Variants in PRKCZ observed in about 807,000 individuals in gnomAD.
The protein encoded by PRKCZ is protein kinase C zeta, also known as protein kinase C zeta type.
A neutral mutation model predicts 79.5 loss-of-function variants in PRKCZ; 33 were observed. That is an observed-to-expected ratio of 0.41 (90% CI 0.31 to 0.55). The LOEUF (loss-of-function observed/expected upper bound fraction) is 0.55. PRKCZ is among the 20% of genes least tolerant of loss of function. The pLI, the probability that PRKCZ is intolerant of heterozygous loss-of-function variation, is 0.19. For missense variants in PRKCZ, 578 were observed against 813.5 expected (o/e 0.71, Z 3.52); for synonymous variants, 342 against 320.9 (o/e 1.07, Z -0.70).
intron 4 of PRKCZ, among the ~76,000 whole-genome samples, chr1:2,068,901 G>A (rs763635860): frequency 1.2e-4 from 18 of 152,170 alleles, no homozygotes; most frequent in Non-Finnish European, 2.2e-4. Context: ...AGGCCCAGCC[G>A]GTGCTCAGCG....
At chr1:2,184,425 T>C (rs146627712) in intron 16 of PRKCZ, 158 bp from the exon 17 acceptor site, 13 of 595,706 alleles carry the variant, frequency 2.2e-5, no homozygotes, top group Non-Finnish European at 3.8e-5. Context: ...TTCTAGATTT[T>C]GTGTTGTAAG....
intron 4 of PRKCZ, among the ~76,000 whole-genome samples, chr1:2,079,057 T>G (rs912544392): frequency 6.6e-6 from 1 of 152,200 alleles, no homozygotes; most frequent in Non-Finnish European, 1.5e-5. Context: ...TTAGCCAGGA[T>G]GGTCTCGATC....
intron 4 of PRKCZ, among the ~76,000 whole-genome samples, chr1:2,111,103 C>T (rs539513361): frequency 1.3e-5 from 2 of 152,004 alleles, no homozygotes; most frequent in South Asian, 2.1e-4. Flanking sequence ...CTGCTGCACC[C>T]ATGGGTATTG....
At chr1:2,074,340 G>A (rs1661994010) in intron 4 of PRKCZ, 7 of 1,544,176 alleles carry the variant, frequency 4.5e-6, no homozygotes, top group Non-Finnish European at 6.1e-6. Context: ...CGGGGGGCTT[G>A]GGGAAATCGT....
intron 4 of PRKCZ, chr1:2,104,751 C>T (rs966831437): frequency 5.1e-6 from 5 of 985,592 alleles, no homozygotes; most frequent in South Asian, 4.7e-5. Flanking sequence ...CAGGACGCAG[C>T]GGGCTGGCCT....
chr1:2,168,641 G>A lies in PRKCZ; in HGVS notation c.975-877G>A, dbSNP rs767581768. 2.0e-5 allele frequency among the ~76,000 whole-genome samples: 3 copies of A among 152,132 alleles called. No individual in the cohort carries two copies. Among genetic ancestry groups the A allele is most frequent in the Admixed American group, 6.5e-5 (1 of 15,268 alleles). On this transcript the variant is annotated intron_variant, in intron 10 of 17. Transcript: ENST00000378567. The surrounding 1 kb of genome is among the most constrained non-coding windows in gnomAD (Gnocchi z 4.7). ...GGAGCAGGGACAGGTGCCTTGAGGC[G>A]TAACAGTGGCGGTGGTGTGGGAGCT...
At chr1:2,078,228 T>G (rs1217280745) in intron 4 of PRKCZ, among the ~76,000 whole-genome samples, 1 of 152,262 alleles carries the variant, frequency 6.6e-6, no homozygotes, top group Non-Finnish European at 1.5e-5. Context: ...CTTGGCTTAA[T>G]GTCCGGTTAA....
rs1276671877 is a variant in PRKCZ at position 2,125,759 on chromosome 1, G to C, written c.335-9503G>C. On this transcript the variant is annotated intron_variant, in intron 4 of 17. Transcript: ENST00000378567. The surrounding 1 kb of genome is among the most constrained non-coding windows in gnomAD (Gnocchi z 4.2). ...CAGGTTTCCCAATCAGATTTGCTCA[G>C]GGTCCCTCCAGCAGTCCATGCCGCA... is the stretch of plus-strand genomic sequence containing the variant. 2.6e-5 allele frequency among the ~76,000 whole-genome samples: 4 copies of C among 152,254 alleles called. No individual in the cohort carries two copies. Among genetic ancestry groups the C allele is most frequent in the African/African-American group, 9.6e-5 (4 of 41,468 alleles).
At chr1:2,115,218 G>A (rs910685956) in intron 4 of PRKCZ, among the ~76,000 whole-genome samples, 1 of 152,274 alleles carries the variant, frequency 6.6e-6, no homozygotes, top group Non-Finnish European at 1.5e-5. Context: ...CGGTTCTGCC[G>A]TGTCCGTCCC....
chr1:2,059,453 C>T, intron 3 of PRKCZ, 88 bp from the exon 4 acceptor site: 1 of 1,518,600 alleles, frequency 6.6e-7, no homozygotes, highest in South Asian at 1.1e-5. Flanking sequence ...TCCACGTGCT[C>T]AGCCTGACTG....
At position 2,182,461 on chromosome 1, in the gene PRKCZ, T is replaced by C. The variant is rs114491514; in HGVS notation, c.1576-2122T>C. 7.4e-3 allele frequency: 1,141 copies of C among 155,120 alleles called. 17 individuals carry two copies. The highest frequency in any genetic ancestry group is 0.024 in the African/African-American group (1,015 of 41,650). The allele number at this position is 155,120 out of a possible 1,614,324, so 9.6% of individuals were successfully genotyped here. On this transcript the variant is annotated intron_variant, in intron 16 of 17. Coordinates refer to ENST00000378567, the MANE Select transcript of PRKCZ (RefSeq NM_002744.6). ...CTGTTTGGGTATGCTGCCCCCCAGC[T>C]GGCGGGGCACCGGGGACAGGCACAG...
At chr1:2,169,073 C>A in intron 10 of PRKCZ, 1 of 450,314 alleles carries the variant, frequency 2.2e-6, no homozygotes. Flanking sequence ...CTCAGCCTTG[C>A]AGCAATGAAA....
At chr1:2,133,832 T>TG (rs1675571843) in intron 4 of PRKCZ, 1 of 152,390 alleles carries the variant, frequency 6.6e-6, no homozygotes, top group African/African-American at 2.4e-5. Context: ...TACGGACTCC[T>TG]GGAGCCAGGA....
At chr1:2,153,719 G>A (rs761445506) in intron 9 of PRKCZ, among the ~76,000 whole-genome samples, 5 of 152,226 alleles carry the variant, frequency 3.3e-5, no homozygotes, top group Non-Finnish European at 7.3e-5. Context: ...GCAGGTTTGC[G>A]GGACCCTGAG....
At chr1:2,170,205 C>T (rs1050381533) in intron 11 of PRKCZ, among the ~76,000 whole-genome samples, 4 of 152,156 alleles carry the variant, frequency 2.6e-5, no homozygotes, top group Non-Finnish European at 5.9e-5. Context: ...CCTTCCTGCC[C>T]TTCCCTTTCA....
rs148473310 is a variant in PRKCZ, at chr1:2,154,694, T to C, written c.877-1301T>C. ...GCCTATTTTGACGCATTTCTTTCACTGTCATTTTTCTAACCCCGAAGACAA... is the reference window on the plus strand; with the variant it reads ...GCCTATTTTGACGCATTTCTTTCACCGTCATTTTTCTAACCCCGAAGACAA... On this transcript the variant is annotated intron_variant, in intron 9 of 17. Coordinates refer to ENST00000378567, the MANE Select transcript of PRKCZ (RefSeq NM_002744.6). 3.0e-3 allele frequency among the ~76,000 whole-genome samples: 458 copies of C among 152,348 alleles called. 1 individual carries two copies. Among genetic ancestry groups the C allele is most frequent in the African/African-American group, 0.01 (433 of 41,572 alleles).
intron 5 of PRKCZ, among the ~76,000 whole-genome samples, chr1:2,138,268 G>T (rs1292521350): frequency 2.0e-5 from 3 of 152,158 alleles, no homozygotes; most frequent in Non-Finnish European, 4.4e-5. Flanking sequence ...GGCATCCGTC[G>T]CTGGGGACTG....
chr1:2,065,337 T>G (rs1287772291), intron 4 of PRKCZ, among the ~76,000 whole-genome samples: 2 of 152,236 alleles, frequency 1.3e-5, no homozygotes, highest in Non-Finnish European at 2.9e-5. Context: ...GTATTTCTTT[T>G]TCTTGCCTAA....
At chr1:2,087,271 C>T (rs2490555) in intron 4 of PRKCZ, among the ~76,000 whole-genome samples, 13,764 of 151,956 alleles carry the variant, frequency 0.091, 2,070 homozygotes, top group African/African-American at 0.31. Flanking sequence ...TTAGTAGAGA[C>T]GGGGTGTCAC....
Sources: gnomAD v4.1 joint callset for allele counts (sites outside exome capture counted in the v4.1 genomes callset) on GRCh38, gnomAD v4.1.1 for gene constraint, Gnocchi (gnomAD v3.1) non-coding constraint, MANE v1.5 for transcripts, NCBI Gene and HGNC (gene_info 2026-07-23, HGNC 2026-07-21) for gene names.